SCFD2: variants seen among roughly 807,000 people sequenced by gnomAD.
SCFD2 encodes sec1 family domain containing 2.
Under a neutral mutation model 58.9 loss-of-function variants are expected in SCFD2, and 54 were observed. The ratio of observed to expected loss-of-function variants is 0.92; its 90% CI spans 0.74 to 1.15. The LOEUF is 1.15. SCFD2 is among the 50% of genes most tolerant of loss of function. The probability of loss-of-function intolerance (pLI) is 0.00; values close to 1 mark genes in which losing one functional copy is unlikely to be tolerated. For missense variants in SCFD2, 805 were observed against 836.6 expected, an observed-to-expected ratio of 0.96 and a Z score of 0.47; for synonymous variants, 321 against 335.9, an observed-to-expected ratio of 0.96 and a Z score of 0.49.
intron 5 of SCFD2, among the ~76,000 whole-genome samples, chr4:53,103,637 T>C (rs1282781815): frequency 1.3e-5 from 2 of 149,070 alleles, no homozygotes; most frequent in African/African-American, 4.9e-5. Context: ...TGAGCATATC[T>C]AGTACCAGAT....
intron 2 of SCFD2, among the ~76,000 whole-genome samples, chr4:53,332,001 A>C (rs1314826999): frequency 6.6e-6 from 1 of 152,238 alleles, no homozygotes; most frequent in African/African-American, 2.4e-5. Flanking sequence ...ATCTAGAAGA[A>C]ATGGATAAAT....
chr4:53,143,900 C>T (rs1269770656), intron 5 of SCFD2, among the ~76,000 whole-genome samples: 1 of 151,948 alleles, frequency 6.6e-6, no homozygotes, highest in Non-Finnish European at 1.5e-5. Context: ...TAACTTCTTA[C>T]TTTCAGATAG....
At chr4:53,019,405 T>A (rs1403609256) in intron 5 of SCFD2, among the ~76,000 whole-genome samples, 1 of 152,194 alleles carries the variant, frequency 6.6e-6, no homozygotes, top group Non-Finnish European at 1.5e-5. Context: ...TTGAAATAAG[T>A]TTATCAAAAT....
chr4:53,332,575 T>G (rs1311215580), intron 2 of SCFD2, among the ~76,000 whole-genome samples: 4 of 152,188 alleles, frequency 2.6e-5, no homozygotes, highest in Non-Finnish European at 4.4e-5. Flanking sequence ...TCTCAATAAA[T>G]TAGGTACTGA....
At chr4:53,110,879 C>T (rs1725150016) in intron 5 of SCFD2, among the ~76,000 whole-genome samples, 1 of 152,196 alleles carries the variant, frequency 6.6e-6, no homozygotes, top group Non-Finnish European at 1.5e-5. Flanking sequence ...GATAAAGACA[C>T]ATGCACCCGT....
At chr4:53,265,514 C>G (rs1730957511) in intron 4 of SCFD2, 1 of 152,094 alleles carries the variant, frequency 6.6e-6, no homozygotes. Flanking sequence ...AGGGGCCATG[C>G]TAATCTTTTC....
chr4:53,245,318 A>C (rs1730032584), intron 4 of SCFD2, among the ~76,000 whole-genome samples: 1 of 152,186 alleles, frequency 6.6e-6, no homozygotes, highest in Non-Finnish European at 1.5e-5. Context: ...GGAAAACTTC[A>C]GGCCAATATC....
chr4:52,979,356 CTG>C (rs1257572647), intron 5 of SCFD2, among the ~76,000 whole-genome samples: 4 of 152,106 alleles, frequency 2.6e-5, no homozygotes, highest in South Asian at 4.2e-4. Context: ...ATTTTTTCTT[CTG>C]TGTCATTAAA....
chr4:53,282,384 T>C (rs1731533354), intron 3 of SCFD2, among the ~76,000 whole-genome samples: 1 of 152,180 alleles, frequency 6.6e-6, no homozygotes, highest in Non-Finnish European at 1.5e-5. Flanking sequence ...TTTTAGGAGA[T>C]TTTCTTAATT....
rs187484011 is a variant in SCFD2 at position 53,296,589 on chromosome 4, C to T, written c.1135+17047G>A. On this transcript the variant is annotated intron_variant, in intron 3 of 8. Coordinates refer to ENST00000401642, the MANE Select transcript of SCFD2 (RefSeq NM_152540.4). ...TTTGTTAATCTCTTCAAAAAACCAG[C>T]TCCTGGATTCACTGATTTTTTTGAA... Among the ~76,000 whole-genome samples the T allele has an allele frequency of 4.6e-5, 7 of 152,262 alleles. No homozygotes were observed. In the East Asian group the frequency reaches 1.4e-3, roughly 29 times the overall value.
At chr4:52,968,519 T>C (rs1200787693) in intron 5 of SCFD2, among the ~76,000 whole-genome samples, 4 of 152,236 alleles carry the variant, frequency 2.6e-5, no homozygotes, top group African/African-American at 9.6e-5. Flanking sequence ...TGTATGTGTG[T>C]TCAGCATTTA....
intron 2 of SCFD2, among the ~76,000 whole-genome samples, chr4:53,322,941 T>C (rs1256878967): frequency 2.0e-5 from 3 of 152,242 alleles, no homozygotes; most frequent in Non-Finnish European, 4.4e-5. Context: ...GACAGTTTTA[T>C]AGAAGCTCTT....
At chr4:53,096,545 G>C (rs1437373024) in intron 5 of SCFD2, among the ~76,000 whole-genome samples, 1 of 151,854 alleles carries the variant, frequency 6.6e-6, no homozygotes, top group Admixed American at 6.6e-5. Flanking sequence ...CATATCCTTT[G>C]CCCACTTTTT....
chr4:53,303,401 G>C (rs1216258932), intron 3 of SCFD2, among the ~76,000 whole-genome samples: 1 of 152,150 alleles, frequency 6.6e-6, no homozygotes, highest in African/African-American at 2.4e-5. Context: ...ACCACAATGA[G>C]ATACCACCTA....
chr4:52,952,780 T>C (rs748821967), intron 5 of SCFD2, among the ~76,000 whole-genome samples: 58 of 152,218 alleles, frequency 3.8e-4, no homozygotes, highest in Non-Finnish European at 7.9e-4. Context: ...ACAGGTCCAT[T>C]AGAAAAATGA....
chr4:53,344,466 A>G (rs1733991777), intron 2 of SCFD2, among the ~76,000 whole-genome samples: 1 of 152,220 alleles, frequency 6.6e-6, no homozygotes, highest in South Asian at 2.1e-4. Context: ...AAACAAATGG[A>G]AGAACATTCC....
rs539291703 is a variant in SCFD2 at position 53,224,702 on chromosome 4, A to G, written c.1311+49124T>C. The stretch of plus-strand genomic sequence containing the variant: ...CCTCCCCCACAAACTGTGAGCTCTA[A>G]TAAAATGCTGGCTTTAAGCCACTAA... On this transcript the variant is annotated intron_variant, in intron 4 of 8. Transcript: ENST00000401642. Among the ~76,000 whole-genome samples the G allele has an allele frequency of 3.3e-5, 5 of 152,332 alleles. No individual in the cohort carries two copies. In the East Asian group the frequency reaches 9.6e-4, roughly 29 times the overall value.
intron 5 of SCFD2, among the ~76,000 whole-genome samples, chr4:53,090,309 C>T (rs2148865747): frequency 6.6e-6 from 1 of 152,276 alleles, no homozygotes; most frequent in African/African-American, 2.4e-5. Context: ...TCAAATCATA[C>T]ATGACCACAT....
chr4:52,981,552 T>A (rs559404038), intron 5 of SCFD2, among the ~76,000 whole-genome samples: 11 of 151,504 alleles, frequency 7.3e-5, no homozygotes, highest in African/African-American at 2.7e-4. Context: ...AGAACTGCTA[T>A]TTTTTTTTCT....
Sources: allele counts gnomAD v4.1 joint callset (sites outside exome capture counted in the v4.1 genomes callset), GRCh38; gene constraint gnomAD v4.1.1; transcripts MANE v1.5; gene names NCBI Gene and HGNC (gene_info 2026-07-23, HGNC 2026-07-21).